Variants in KCNN2 observed in about 807,000 individuals in gnomAD.
KCNN2 encodes the protein small conductance calcium-activated potassium channel protein 2.
A neutral mutation model predicts 55.5 loss-of-function variants in KCNN2; 24 were observed. The observed-to-expected ratio is 0.43, with a 90% CI of 0.31 to 0.61. The LOEUF (loss-of-function observed/expected upper bound fraction) is 0.61. Among genes scored for constraint, KCNN2 ranks in the 20% least tolerant of loss-of-function variants. The pLI, the probability that KCNN2 is intolerant of heterozygous loss-of-function variation, is 0.08. For missense variants in KCNN2, 754 were observed against 853.6 expected (o/e 0.88, Z 1.45); for synonymous variants, 431 against 336.1 (o/e 1.28, Z -3.09).
chr5:114,238,280 T>C (rs184326820), intron 2 of KCNN2, among the ~76,000 whole-genome samples: 68 of 152,344 alleles, frequency 4.5e-4, no homozygotes, highest in African/African-American at 1.6e-3. Context: ...TATACACTAT[T>C]TCCATGAAGA....
chr5:114,180,995 T>C (rs756260695), intron 1 of KCNN2, among the ~76,000 whole-genome samples: 54 of 152,240 alleles, frequency 3.5e-4, no homozygotes, highest in Non-Finnish European at 7.2e-4. Flanking sequence ...TTAAGTAGTA[T>C]TTCATCATGT....
chr5:114,118,056 G>A, intron 1 of KCNN2, among the ~76,000 whole-genome samples: 1 of 152,130 alleles, frequency 6.6e-6, no homozygotes, highest in East Asian at 1.9e-4. Context: ...AAGAGTTTGT[G>A]TCATATAGAG....
intron 3 of KCNN2, among the ~76,000 whole-genome samples, chr5:114,414,977 C>T (rs1036021528): frequency 6.6e-6 from 1 of 152,204 alleles, no homozygotes; most frequent in Non-Finnish European, 1.5e-5. Context: ...TGCAATAAAT[C>T]CCTGCTCCCT....
intron 6 of KCNN2, among the ~76,000 whole-genome samples, chr5:114,489,828 C>T (rs1747762237): frequency 6.6e-6 from 1 of 152,130 alleles, no homozygotes; most frequent in Non-Finnish European, 1.5e-5. Flanking sequence ...CCTTATCTGT[C>T]GGCACTGGGT....
chr5:114,142,721 C>G (rs1752311582), intron 1 of KCNN2, among the ~76,000 whole-genome samples: 1 of 152,114 alleles, frequency 6.6e-6, no homozygotes, highest in Non-Finnish European at 1.5e-5. Context: ...AAAGAGGACA[C>G]AAACAAATGG....
chr5:114,158,519 GT>G (rs1298502419), intron 1 of KCNN2, among the ~76,000 whole-genome samples: 2 of 151,984 alleles, frequency 1.3e-5, no homozygotes, highest in Non-Finnish European at 2.9e-5. Context: ...GTTTAAAGTA[GT>G]TTTTTCCAAT....
intron 3 of KCNN2, among the ~76,000 whole-genome samples, chr5:114,414,332 G>A (rs768118673): frequency 7.2e-5 from 11 of 152,098 alleles, no homozygotes; most frequent in Non-Finnish European, 8.8e-5. Flanking sequence ...AGAATTAAAT[G>A]GGGAATGAGG....
Position 114,235,124 on chromosome 5 carries a change from G to C in KCNN2, c.-185+13559G>C, listed in dbSNP as rs531713442. Among the ~76,000 whole-genome samples, 4 of 152,220 alleles carry C rather than the reference G, an allele frequency of 2.6e-5. No individual in the cohort carries two copies. The South Asian group carries it at 8.3e-4, about 32-fold the overall frequency. ...GACATCATTTCAAAGTCACCTCTCT[G>C]AGCACCTCTGTGGCCTGAGGAAATT... On this transcript the variant is annotated intron_variant, in intron 2 of 10. Transcript: ENST00000512097.
intron 1 of KCNN2, among the ~76,000 whole-genome samples, chr5:114,078,386 G>A (rs752960464): frequency 4.6e-5 from 7 of 152,104 alleles, no homozygotes; most frequent in Admixed American, 2.6e-4. Context: ...TTGATTTCCT[G>A]TTTACATCAC....
At chr5:114,354,457 G>C (rs1398590718) in intron 2 of KCNN2, among the ~76,000 whole-genome samples, 1 of 152,032 alleles carries the variant, frequency 6.6e-6, no homozygotes, top group Non-Finnish European at 1.5e-5. Flanking sequence ...GAATATGAGG[G>C]CTAAAACTGC....
At chr5:114,260,046 G>A (rs1005195682) in intron 2 of KCNN2, among the ~76,000 whole-genome samples, 2 of 152,116 alleles carry the variant, frequency 1.3e-5, no homozygotes, top group Non-Finnish European at 2.9e-5. Flanking sequence ...ATTCATCAGT[G>A]AGTCTTTTCT....
At chr5:114,355,265 G>A (rs560328749) in intron 2 of KCNN2, among the ~76,000 whole-genome samples, 1 of 152,256 alleles carries the variant, frequency 6.6e-6, no homozygotes, top group Admixed American at 6.5e-5. Context: ...GGGAGTTCAT[G>A]AATAACACAC....
intron 5 of KCNN2, among the ~76,000 whole-genome samples, chr5:114,482,774 G>C (rs1364341175): frequency 6.6e-6 from 1 of 152,080 alleles, no homozygotes; most frequent in African/African-American, 2.4e-5. Flanking sequence ...ACTAATGCAG[G>C]AACAGAAAAT....
chr5:114,178,318 C>A (rs1239549731), intron 1 of KCNN2, among the ~76,000 whole-genome samples: 1 of 152,138 alleles, frequency 6.6e-6, no homozygotes, highest in Non-Finnish European at 1.5e-5. Flanking sequence ...AGTTCCTTTC[C>A]ACTTTGATCT....
At chr5:114,217,435 A>G (rs1754029554) in intron 1 of KCNN2, among the ~76,000 whole-genome samples, 1 of 152,164 alleles carries the variant, frequency 6.6e-6, no homozygotes, top group South Asian at 2.1e-4. Flanking sequence ...TCCAGGGGAA[A>G]AAAATCGCCA....
At position 114,362,183 on chromosome 5, in the gene KCNN2, A is replaced by T; in HGVS notation, c.44A>T (p.Gln15Leu). 1 of 172,922 alleles carries T rather than the reference A, an allele frequency of 5.8e-6. No homozygotes were observed. Among genetic ancestry groups the T allele is most frequent in the Admixed American group, 6.5e-5 (1 of 15,464 alleles). The allele number at this position is 172,922 out of a possible 1,614,324, so 10.7% of individuals were successfully genotyped here. ...TTCCAGCGCGGCTTCTTCCCAGAGC[A>T]GCCGCCGCCGCCGCCGCGCTCCTCA... ...LQFQRGFFPE[Q>L]PPPPPRSSHL... Residue 15 changes from glutamine to leucine, a missense_variant, in exon 1 of 8, where the codon CAG (glutamine) becomes CTG (leucine). By Grantham distance (113) the Gln-to-Leu change is moderately radical. Coordinates refer to ENST00000673685, the MANE Select transcript of KCNN2 (RefSeq NM_021614.4).
At chr5:114,095,626 C>T (rs1291977691) in intron 1 of KCNN2, among the ~76,000 whole-genome samples, 1 of 152,170 alleles carries the variant, frequency 6.6e-6, no homozygotes, top group Non-Finnish European at 1.5e-5. Flanking sequence ...TGTTTTTAAG[C>T]ACCATTCAGT....
intron 2 of KCNN2, among the ~76,000 whole-genome samples, chr5:114,398,487 T>G (rs1351569478): frequency 6.6e-6 from 1 of 151,854 alleles, no homozygotes; most frequent in African/African-American, 2.4e-5. Context: ...TATTGTTGTT[T>G]TTTTTTTTTT....
chr5:114,142,077 A>C (rs932927287), intron 1 of KCNN2, among the ~76,000 whole-genome samples: 2 of 152,062 alleles, frequency 1.3e-5, no homozygotes, highest in Non-Finnish European at 2.9e-5. Context: ...CCCATTCTGT[A>C]TGTTGCCAGT....
Sources: allele counts gnomAD v4.1 joint callset (sites outside exome capture counted in the v4.1 genomes callset), GRCh38; gene constraint gnomAD v4.1.1; transcripts MANE v1.5; gene names NCBI Gene and HGNC (gene_info 2026-07-23, HGNC 2026-07-21).